SP3: variants seen among roughly 807,000 people sequenced by gnomAD.
The protein encoded by SP3 is transcription factor Sp3.
A neutral mutation model predicts 70.3 loss-of-function variants in SP3; 10 were observed. That is an observed-to-expected ratio of 0.14 (90% CI 0.09 to 0.24). The LOEUF (loss-of-function observed/expected upper bound fraction) is 0.24. Among genes scored for constraint, SP3 ranks in the 10% least tolerant of loss-of-function variants. The pLI, the probability that SP3 is intolerant of heterozygous loss-of-function variation, is 1.00. For missense variants in SP3, 825 were observed against 914.6 expected, an observed-to-expected ratio of 0.90 and a Z score of 1.26; for synonymous variants, 402 against 333.5, an observed-to-expected ratio of 1.21 and a Z score of -2.24.
At chr2:173,958,074 T>C (rs762164413) in intron 3 of SP3, among the ~76,000 whole-genome samples, 1 of 152,142 alleles carries the variant, frequency 6.6e-6, no homozygotes, top group Non-Finnish European at 1.5e-5. Context: ...GTCTAAAATC[T>C]AACCTTTATC....
chr2:173,961,409 A>G (rs914556255), intron 3 of SP3, among the ~76,000 whole-genome samples: 2 of 152,218 alleles, frequency 1.3e-5, no homozygotes, highest in East Asian at 1.9e-4. Context: ...CTGTATGTGT[A>G]TATTTCCACT....
rs1418376382 is a variant in SP3, at chr2:173,900,868, TTTCCCCAAA to T, written c.*9064_*9072del. Among the ~76,000 whole-genome samples, 1 of 152,222 alleles carries T rather than the reference TTTCCCCAAA, an allele frequency of 6.6e-6. No individual in the cohort carries two copies. Among genetic ancestry groups the T allele is most frequent in the Admixed American group, 6.5e-5 (1 of 15,278 alleles). On this transcript the variant is annotated 3_prime_UTR_variant, in exon 7 of 7. Transcript: ENST00000310015. The stretch of plus-strand genomic sequence containing the variant: ...TATCATGGATAGAAAGATAACATTC[TTTCCCCAAA>T]TTAATCTATAGATTCAATGTAATTC...
Position 173,918,801 on chromosome 2 carries a change from A to T in SP3, c.1640-16T>A, listed in dbSNP as rs748266269. The T allele has an allele frequency of 7.0e-5, 112 of 1,593,246 alleles. No individual in the cohort carries two copies. Among genetic ancestry groups the T allele is most frequent in the Non-Finnish European group, 9.1e-5 (107 of 1,170,990 alleles). On this transcript the variant is annotated splice_polypyrimidine_tract_variant and intron_variant, in intron 4 of 6. Transcript: ENST00000310015. ...ATCCTAATATCTAAAGGGAAAAAAA[A>T]ACCAAATACAGATGAGAAGCAACCA...
chr2:173,951,154 CAA>C (rs1690700781), intron 4 of SP3, among the ~76,000 whole-genome samples: 1 of 152,140 alleles, frequency 6.6e-6, no homozygotes, highest in South Asian at 2.1e-4. Flanking sequence ...CCACAAAAAT[CAA>C]AGTTTCTAGA....
chr2:173,948,202 G>C (rs531281272), intron 4 of SP3, among the ~76,000 whole-genome samples: 2 of 152,268 alleles, frequency 1.3e-5, no homozygotes, highest in Admixed American at 1.3e-4. Flanking sequence ...AGCAAGTATA[G>C]GAAGTCCTTA....
At chr2:173,922,493 C>A (rs1689783129) in intron 4 of SP3, among the ~76,000 whole-genome samples, 1 of 151,810 alleles carries the variant, frequency 6.6e-6, no homozygotes, top group Non-Finnish European at 1.5e-5. Context: ...AGGTAGAAAT[C>A]TGGCCTGCCA....
chr2:173,928,997 T>C lies in SP3; in HGVS notation c.1640-10212A>G, dbSNP rs1057181140. 2.0e-5 allele frequency among the ~76,000 whole-genome samples: 3 copies of C among 152,188 alleles called. No individual in the cohort carries two copies. In the East Asian group the frequency reaches 5.8e-4, roughly 29 times the overall value. On this transcript the variant is annotated intron_variant, in intron 4 of 6. Coordinates refer to ENST00000310015, the MANE Select transcript of SP3 (RefSeq NM_003111.5). ...CTCAATGGCTTTGATACAACAAAAA[T>C]TTATTTTTCACTAATTTCAAATGTC...
intron 3 of SP3, 80 bp downstream of exon 3, chr2:173,963,681 G>A (rs1691161741): frequency 2.3e-6 from 1 of 432,622 alleles, no homozygotes; most frequent in Non-Finnish European, 3.1e-6. Context: ...GCGCCGGGGA[G>A]GCCTTTTGGG....
chr2:173,963,943 G>C (rs1419946635), intron 2 of SP3, 60 bp from the exon 3 acceptor site: 1 of 1,246,066 alleles, frequency 8.0e-7, no homozygotes, highest in Non-Finnish European at 1.1e-6. Context: ...GGTTAGGGTC[G>C]GGCCGCCTTT....
chr2:173,960,213 C>T (rs1484238427), intron 3 of SP3, among the ~76,000 whole-genome samples: 1 of 152,140 alleles, frequency 6.6e-6, no homozygotes, highest in Non-Finnish European at 1.5e-5. Context: ...GGCATTAGTA[C>T]AGTAAAAAGT....
intron 4 of SP3, among the ~76,000 whole-genome samples, chr2:173,948,311 G>T (rs539780277): frequency 6.6e-5 from 10 of 152,064 alleles, no homozygotes; most frequent in Non-Finnish European, 1.3e-4. Context: ...TAAAGACTTC[G>T]CAAGTTTTAA....
At chr2:173,939,546 C>T (rs1690299824) in intron 4 of SP3, among the ~76,000 whole-genome samples, 1 of 151,870 alleles carries the variant, frequency 6.6e-6, no homozygotes, top group African/African-American at 2.4e-5. Context: ...GGTAGATCAC[C>T]TGAGGTCAGG....
Position 173,907,528 on chromosome 2 carries a change from A to G in SP3, c.*2413T>C, listed in dbSNP as rs2105449464. 6.6e-6 allele frequency: 1 copy of G among 152,256 alleles called. No individual in the cohort carries two copies. Among genetic ancestry groups the G allele is most frequent in the African/African-American group, 2.4e-5 (1 of 41,582 alleles). The allele number at this position is 152,256 out of a possible 1,614,324, so 9.4% of individuals were successfully genotyped here. Reference sequence around the variant, plus strand: ...TACAACTTTATTTAAATAATTTTCAAGACTACTTACTTTCTTCATTGCATT... The same window carrying G: ...TACAACTTTATTTAAATAATTTTCAGGACTACTTACTTTCTTCATTGCATT... On this transcript the variant is annotated 3_prime_UTR_variant, in exon 7 of 7. Coordinates refer to ENST00000310015, the MANE Select transcript of SP3 (RefSeq NM_003111.5).
rs776085993 is a variant in SP3 at position 173,909,019 on chromosome 2, A to G, written c.*922T>C. 6.6e-6 allele frequency: 1 copy of G among 152,430 alleles called. No homozygotes were observed. Among genetic ancestry groups the G allele is most frequent in the Admixed American group, 6.6e-5 (1 of 15,260 alleles). 9.4% of individuals were successfully genotyped at this position (152,430 alleles called of 1,614,324 possible). On this transcript the variant is annotated 3_prime_UTR_variant, in exon 7 of 7. Coordinates refer to ENST00000310015, the MANE Select transcript of SP3 (RefSeq NM_003111.5). The stretch of plus-strand genomic sequence containing the variant: ...ATGGAAGTGATTTTGTTATGTTTGC[A>G]TATGTTACACTTTACTGGTAATTTA...
At chr2:173,932,526 G>A (rs1559098031) in intron 4 of SP3, among the ~76,000 whole-genome samples, 2 of 152,044 alleles carry the variant, frequency 1.3e-5, no homozygotes, top group African/African-American at 4.8e-5. Flanking sequence ...TCTCAGGGAG[G>A]AGGGAGGCCC....
intron 4 of SP3, among the ~76,000 whole-genome samples, chr2:173,928,145 A>G (rs759902638): frequency 2.6e-5 from 4 of 152,230 alleles, no homozygotes; most frequent in Non-Finnish European, 5.9e-5. Flanking sequence ...CGGAATTGTT[A>G]AAACTGTATA....
rs1269469151 is a variant in SP3 at position 173,904,554 on chromosome 2, TTTC to T, written c.*5384_*5386del. On this transcript the variant is annotated 3_prime_UTR_variant, in exon 7 of 7. Transcript: ENST00000310015. ...CAGGAATCAAGAAAGCCATTTTCTT[TTTC>T]TTCTGGGGTTGAATGTCATCTTTGC... 6.6e-6 allele frequency among the ~76,000 whole-genome samples: 1 copy of T among 152,182 alleles called. No homozygotes were observed.
chr2:173,947,916 T>C (rs1690592896), intron 4 of SP3, among the ~76,000 whole-genome samples: 1 of 152,174 alleles, frequency 6.6e-6, no homozygotes, highest in African/African-American at 2.4e-5. Context: ...AACAGTTCAA[T>C]GGTTCAGATT....
chr2:173,927,009 A>T (rs960934867), intron 4 of SP3, among the ~76,000 whole-genome samples: 1 of 152,122 alleles, frequency 6.6e-6, no homozygotes, highest in Non-Finnish European at 1.5e-5. Context: ...AGGCCTCAGG[A>T]AACTTACAAT....
Sources: gnomAD v4.1 joint callset for allele counts (sites outside exome capture counted in the v4.1 genomes callset) on GRCh38, gnomAD v4.1.1 for gene constraint, MANE v1.5 for transcripts, NCBI Gene and HGNC (gene_info 2026-07-23, HGNC 2026-07-21) for gene names.